The following AASS variants were observed in gnomAD, a reference collection of about 807,000 sequenced individuals.
AASS encodes the protein alpha-aminoadipic semialdehyde synthase, mitochondrial.
Under a neutral mutation model 105.4 loss-of-function variants are expected in AASS, and 86 were observed. The ratio of observed to expected loss-of-function variants is 0.82; its 90% CI spans 0.69 to 0.98. The LOEUF (loss-of-function observed/expected upper bound fraction) is 0.98. Ranked by LOEUF, AASS falls within the 50% of genes least tolerant of loss-of-function variation. AASS has a pLI of 0.00. For missense variants in AASS, 1,048 were observed against 1,143.2 expected, an observed-to-expected ratio of 0.92 and a Z score of 1.20; for synonymous variants, 381 against 394.8, an observed-to-expected ratio of 0.96 and a Z score of 0.41.
At chr7:122,095,731 T>C (rs1379529949) in intron 15 of AASS, among the ~76,000 whole-genome samples, 3 of 152,132 alleles carry the variant, frequency 2.0e-5, no homozygotes, top group African/African-American at 7.2e-5. Context: ...TCTGTGTTTT[T>C]GTTTCCTTAA....
Position 122,076,340 on chromosome 7 carries a change from A to G in AASS, c.*149T>C. ...CCTGTTCCAAACATTTCCATATTAA[A>G]ATAAAGATTTATAGTTCAAAAAGTA... is the stretch of plus-strand genomic sequence containing the variant. On this transcript the variant is annotated 3_prime_UTR_variant, in exon 24 of 24. Transcript: ENST00000417368. 3 of 656,566 alleles carry G rather than the reference A, an allele frequency of 4.6e-6. No individual in the cohort carries two copies. Among genetic ancestry groups the G allele is most frequent in the Non-Finnish European group, 8.1e-6 (3 of 369,180 alleles). 40.7% of individuals were successfully genotyped at this position (656,566 alleles called of 1,614,324 possible). A position where few individuals can be genotyped will look rare whatever the true frequency, so the allele number is the denominator to read the frequency against.
Position 122,143,834 on chromosome 7 carries a change from GAAAGA to G in AASS, c.-16+322_-16+326del, listed in dbSNP as rs1420546235. Among the ~76,000 whole-genome samples, 3 of 152,278 alleles carry G rather than the reference GAAAGA, an allele frequency of 2.0e-5. No homozygotes were observed. The East Asian group carries it at 5.8e-4, about 30-fold the overall frequency. On this transcript the variant is annotated intron_variant, in intron 1 of 23. Transcript: ENST00000417368. Reference sequence around the variant, plus strand: ...AGCACCACCACTGTCCGCCAAAAAAGAAAGAAAAGAAATCCGAATTGCAATCCCTC... The same window carrying G: ...AGCACCACCACTGTCCGCCAAAAAAGAAAGAAATCCGAATTGCAATCCCTC...
At chr7:122,138,307 G>A (rs917509193) in intron 1 of AASS, among the ~76,000 whole-genome samples, 12 of 152,088 alleles carry the variant, frequency 7.9e-5, no homozygotes, top group African/African-American at 2.9e-4. Context: ...GTGGATGCTT[G>A]AAATCTCTGA....
intron 21 of AASS, 76 bp from the exon 22 acceptor site, chr7:122,079,026 T>C: frequency 6.2e-7 from 1 of 1,611,478 alleles, no homozygotes; most frequent in Non-Finnish European, 8.5e-7. Context: ...AGGGAGCTCC[T>C]TGAATTTAAT....
Position 122,107,850 on chromosome 7 carries a change from C to G in AASS, c.1278+5268G>C, listed in dbSNP as rs148957089. On this transcript the variant is annotated intron_variant, in intron 11 of 23. Transcript: ENST00000417368. ...ATCCACCCCTCGTGACACAAGTTTA[C>G]CTATAGAACAAACCTGCACATGTAC... Among the ~76,000 whole-genome samples, 400 of 151,384 alleles carry G rather than the reference C, an allele frequency of 2.6e-3. 2 individuals carry two copies. The highest frequency in any genetic ancestry group is 9.4e-3 in the African/African-American group (387 of 41,256).
intron 13 of AASS, 63 bp downstream of exon 13, chr7:122,101,308 A>C: frequency 7.6e-7 from 1 of 1,313,950 alleles, no homozygotes. Flanking sequence ...AGCATTAAAA[A>C]ATACTCATGA....
At chr7:122,123,793 C>A (rs865988994) in intron 4 of AASS, among the ~76,000 whole-genome samples, 1 of 152,174 alleles carries the variant, frequency 6.6e-6, no homozygotes. Context: ...GGACTTCTAG[C>A]TTATGTAAGC....
intron 6 of AASS, among the ~76,000 whole-genome samples, chr7:122,117,436 C>T (rs1795234259): frequency 6.6e-6 from 1 of 151,946 alleles, no homozygotes; most frequent in Admixed American, 6.6e-5. Flanking sequence ...TTAAAACCAC[C>T]AGAGAAGGAA....
intron 11 of AASS, among the ~76,000 whole-genome samples, chr7:122,109,197 A>G (rs1476325406): frequency 2.1e-5 from 3 of 146,302 alleles, no homozygotes; most frequent in South Asian, 2.2e-4. Context: ...AAGAATTTAT[A>G]TTGTTAAAAT....
In AASS at chr7:122,073,756, T is replaced by C. The variant is rs1792874526; in HGVS notation, c.*2733A>G. ...CTTTGTCCTCCCCAACCCTTCAGCCTAAGCAACCACTAATCTGCCTTCTCT... is the reference window on the plus strand; with the variant it reads ...CTTTGTCCTCCCCAACCCTTCAGCCCAAGCAACCACTAATCTGCCTTCTCT... On this transcript the variant is annotated 3_prime_UTR_variant, in exon 24 of 24. Coordinates refer to ENST00000417368, the MANE Select transcript of AASS (RefSeq NM_005763.4). Among the ~76,000 whole-genome samples, 1 of 152,152 alleles carries C rather than the reference T, an allele frequency of 6.6e-6. No homozygotes were observed. The highest frequency in any genetic ancestry group is 1.5e-5 in the Non-Finnish European group (1 of 68,010).
intron 15 of AASS, among the ~76,000 whole-genome samples, chr7:122,097,363 T>A (rs1221272202): frequency 6.6e-6 from 1 of 152,082 alleles, no homozygotes; most frequent in African/African-American, 2.4e-5. Flanking sequence ...AATTTATTTA[T>A]TTATTTATTT....
Position 122,113,710 on chromosome 7 carries a change from T to C in AASS, c.1054A>G (p.Ile352Val). Residue 352 changes from isoleucine to valine, a missense_variant, in exon 10 of 24, where the codon ATA (isoleucine) becomes GTA (valine). Ile to Val is a conservative substitution (Grantham distance 29). Coordinates refer to ENST00000417368, the MANE Select transcript of AASS (RefSeq NM_005763.4). Reference protein sequence around the residue: ...CPALPHKLVAICDISADTGGS... With the variant: ...CPALPHKLVAVCDISADTGGS... ...CCTGTGTCAGCTGAAATGTCACATA[T>C]TGCCACGAGTCTGAAAATAACATCA... The C allele has an allele frequency of 6.2e-7, 1 of 1,613,018 alleles. No individual in the cohort carries two copies.
intron 18 of AASS, among the ~76,000 whole-genome samples, chr7:122,090,086 T>A (rs960224488): frequency 6.6e-6 from 1 of 152,190 alleles, no homozygotes; most frequent in Non-Finnish European, 1.5e-5. Context: ...GGAACATCAG[T>A]GCTCACATTA....
At chr7:122,136,720 G>A (rs1020663972) in intron 1 of AASS, among the ~76,000 whole-genome samples, 7 of 152,144 alleles carry the variant, frequency 4.6e-5, no homozygotes, top group African/African-American at 1.7e-4. Flanking sequence ...ATTCACAGGT[G>A]ACTACATACC....
chr7:122,080,296 T>C (rs1793248318), intron 20 of AASS, among the ~76,000 whole-genome samples: 1 of 152,222 alleles, frequency 6.6e-6, no homozygotes, highest in Non-Finnish European at 1.5e-5. Context: ...AGACCAAATT[T>C]GGCTCATTGT....
At chr7:122,135,413 GCCA>G (rs1160838664) in intron 1 of AASS, among the ~76,000 whole-genome samples, 1 of 152,058 alleles carries the variant, frequency 6.6e-6, no homozygotes, top group Non-Finnish European at 1.5e-5. Context: ...CTCTAAACAT[GCCA>G]GTTCCTCTTC....
Position 122,115,075 on chromosome 7 carries a change from T to A in AASS, c.1042A>T (p.Lys348Ter). 6.2e-7 allele frequency: 1 copy of A among 1,614,120 alleles called. No individual in the cohort carries two copies. Among genetic ancestry groups the A allele is most frequent in the East Asian group, 2.2e-5 (1 of 44,862 alleles). The stretch of plus-strand genomic sequence containing the variant: ...TCGTTGCTGAAGTAGAGTCCTTACT[T>A]GTGTGGTAATGCAGGGCAGCCTTCC... ...GVEGCPALPH[K>*]LVAICDISAD... Residue 348 changes from lysine (K) to a stop codon, truncating the protein, a stop_gained and splice_region_variant, in exon 9 of 24, where the codon AAA (lysine) becomes TAA (stop). Coordinates refer to ENST00000417368, the MANE Select transcript of AASS (RefSeq NM_005763.4). LOFTEE classifies it high-confidence loss of function.
At chr7:122,082,874 T>G (rs1424044628) in intron 19 of AASS, 1 of 1,288,868 alleles carries the variant, frequency 7.8e-7, no homozygotes, top group Non-Finnish European at 1.0e-6. Flanking sequence ...TCCAATCCAT[T>G]ATTCAGCATT....
At chr7:122,098,301 T>C (rs1794261224) in intron 15 of AASS, 149 bp downstream of exon 15, 2 of 750,694 alleles carry the variant, frequency 2.7e-6, no homozygotes, top group Non-Finnish European at 4.3e-6. Flanking sequence ...TTGAGCTATA[T>C]ACTTATGATT....
Sources: gnomAD v4.1 joint callset for allele counts (sites outside exome capture counted in the v4.1 genomes callset) on GRCh38, gnomAD v4.1.1 for gene constraint, MANE v1.5 for transcripts, NCBI Gene and HGNC (gene_info 2026-07-23, HGNC 2026-07-21) for gene names.